TMEM17: variants seen among roughly 807,000 people sequenced by gnomAD.
TMEM17 encodes transmembrane protein 17.
Under a neutral mutation model 19.1 loss-of-function variants are expected in TMEM17, and 15 were observed. The ratio of observed to expected loss-of-function variants is 0.78; its 90% CI spans 0.52 to 1.21. The LOEUF is 1.21. TMEM17 is among the 50% of genes most tolerant of loss of function. The pLI is 0.00. For synonymous variants in TMEM17, 103 were observed against 86.9 expected (o/e 1.19, Z -1.03); for missense variants, 245 against 242.3 (o/e 1.01, Z -0.07).
At chr2:62,454,859 A>T in the TMEM17 span, among the ~76,000 whole-genome samples, 1 of 152,060 alleles carries the variant, frequency 6.6e-6, no homozygotes, top group Non-Finnish European at 1.5e-5. Context: ...ACCTGCCACC[A>T]CGCCTGGATA....
the TMEM17 span, among the ~76,000 whole-genome samples, chr2:62,486,306 G>C: frequency 2.0e-5 from 3 of 151,894 alleles, no homozygotes; most frequent in Non-Finnish European, 4.4e-5. Flanking sequence ...GTTTGGCTCT[G>C]ATCCACCTTT....
chr2:62,494,099 T>C, the TMEM17 span, among the ~76,000 whole-genome samples: 1 of 152,254 alleles, frequency 6.6e-6, no homozygotes, highest in African/African-American at 2.4e-5. Flanking sequence ...TCTCCTCTGC[T>C]AGATGGCTGG....
downstream of TMEM17, among the ~76,000 whole-genome samples, chr2:62,496,799 A>C (rs192465227): frequency 6.6e-5 from 10 of 152,308 alleles, no homozygotes; most frequent in Admixed American, 6.5e-4. Flanking sequence ...AGCTCTATTT[A>C]AGTCTAATAA....
At chr2:62,484,821 T>A in the TMEM17 span, among the ~76,000 whole-genome samples, 1 of 152,238 alleles carries the variant, frequency 6.6e-6, no homozygotes, top group African/African-American at 2.4e-5. Flanking sequence ...ATAGTTCAGC[T>A]TTGACCAAAA....
chr2:62,483,183 A>G, the TMEM17 span, among the ~76,000 whole-genome samples: 2 of 152,222 alleles, frequency 1.3e-5, no homozygotes. Flanking sequence ...GCATCATGCC[A>G]TAACCATGCT....
At chr2:62,478,227 G>A in the TMEM17 span, among the ~76,000 whole-genome samples, 40 of 152,290 alleles carry the variant, frequency 2.6e-4, no homozygotes, top group South Asian at 1.0e-3. Context: ...ATGCCTTGAC[G>A]GAGCCACAGC....
At chr2:62,494,726 G>A in the TMEM17 span, among the ~76,000 whole-genome samples, 3 of 151,998 alleles carry the variant, frequency 2.0e-5, no homozygotes, top group Non-Finnish European at 4.4e-5. Flanking sequence ...ATTTTTGGCC[G>A]GACGCAGTGG....
chr2:62,480,128 T>C, the TMEM17 span, among the ~76,000 whole-genome samples: 25 of 152,306 alleles, frequency 1.6e-4, no homozygotes, highest in African/African-American at 5.5e-4. Context: ...TGATATCTCA[T>C]TGTGGTTTTG....
At chr2:62,454,926 C>T in the TMEM17 span, among the ~76,000 whole-genome samples, 2 of 152,262 alleles carry the variant, frequency 1.3e-5, no homozygotes, top group African/African-American at 4.8e-5. Context: ...AGGATGGTCT[C>T]GATCTCCTGA....
rs368827845 is a variant in TMEM17 at position 62,503,716 on chromosome 2, T to C, written c.101-922A>G. On this transcript the variant is annotated intron_variant, in intron 1 of 3. Coordinates refer to ENST00000335390, the MANE Select transcript of TMEM17 (RefSeq NM_198276.3). ...TCTCTTCTACTTATCTACAGGCTCATTGCAAGCACACACCATGTCCTACCC... is the reference window on the plus strand; with the variant it reads ...TCTCTTCTACTTATCTACAGGCTCACTGCAAGCACACACCATGTCCTACCC... Among the ~76,000 whole-genome samples the C allele has an allele frequency of 3.3e-5, 5 of 152,240 alleles. 1 individual carries two copies. The highest frequency in any genetic ancestry group is 1.3e-4 in the Admixed American group (2 of 15,284).
At chr2:62,454,616 A>G in the TMEM17 span, among the ~76,000 whole-genome samples, 4 of 151,428 alleles carry the variant, frequency 2.6e-5, no homozygotes, top group African/African-American at 7.3e-5. Flanking sequence ...AAATGCAAAT[A>G]CTCCTGTGAG....
the TMEM17 span, among the ~76,000 whole-genome samples, chr2:62,468,770 G>C: frequency 6.6e-6 from 1 of 152,242 alleles, no homozygotes; most frequent in African/African-American, 2.4e-5. Flanking sequence ...GGCCGATTCA[G>C]GGGGCTGAAG....
At chr2:62,463,149 G>GC in the TMEM17 span, 10 of 152,284 alleles carry the variant, frequency 6.6e-5, no homozygotes, top group Admixed American at 3.3e-4. Context: ...CTGCCCTCCA[G>GC]AAACTGTGTG....
At chr2:62,483,043 T>C in the TMEM17 span, among the ~76,000 whole-genome samples, 1 of 152,202 alleles carries the variant, frequency 6.6e-6, no homozygotes, top group Non-Finnish European at 1.5e-5. Flanking sequence ...AAAATGTAAC[T>C]TGAAATCAAG....
At chr2:62,478,195 A>G in the TMEM17 span, among the ~76,000 whole-genome samples, 34 of 152,212 alleles carry the variant, frequency 2.2e-4, no homozygotes, top group Admixed American at 3.9e-4. Flanking sequence ...CAAAGAGCCA[A>G]TGAGTCTCCC....
chr2:62,472,419 G>A, the TMEM17 span, among the ~76,000 whole-genome samples: 2 of 152,168 alleles, frequency 1.3e-5, no homozygotes, highest in Non-Finnish European at 2.9e-5. Context: ...CACTGAGGAA[G>A]TAAAATCGAG....
At chr2:62,476,864 A>G in the TMEM17 span, among the ~76,000 whole-genome samples, 1 of 152,196 alleles carries the variant, frequency 6.6e-6, no homozygotes, top group Non-Finnish European at 1.5e-5. Flanking sequence ...TGAGCCCCAC[A>G]AGGCCCTGGC....
chr2:62,466,096 C>A, the TMEM17 span, among the ~76,000 whole-genome samples: 1 of 152,276 alleles, frequency 6.6e-6, no homozygotes, highest in South Asian at 2.1e-4. Context: ...CCCTGCAGAG[C>A]TCCCTTGTCA....
At chr2:62,489,733 T>C in the TMEM17 span, among the ~76,000 whole-genome samples, 1,350 of 152,268 alleles carry the variant, frequency 8.9e-3, 19 homozygotes, top group African/African-American at 0.03. Flanking sequence ...GTTACTAAAA[T>C]GTTGTGAGAT....
Sources: gnomAD v4.1 joint callset for allele counts (sites outside exome capture counted in the v4.1 genomes callset) on GRCh38, gnomAD v4.1.1 for gene constraint, MANE v1.5 for transcripts, NCBI Gene and HGNC (gene_info 2026-07-23, HGNC 2026-07-21) for gene names.